Variants in GRM1 observed in about 807,000 individuals in gnomAD.
The protein encoded by GRM1 is glutamate metabotropic receptor 1.
A neutral mutation model predicts 90.9 loss-of-function variants in GRM1; 33 were observed. That is an observed-to-expected ratio of 0.36 (90% CI 0.28 to 0.49). GRM1 has a LOEUF of 0.49. Ranked by LOEUF, GRM1 falls within the 20% of genes least tolerant of loss-of-function variation. GRM1 has a pLI of 0.99. For synonymous variants in GRM1, 700 were observed against 613.2 expected (o/e 1.14, Z -2.09); for missense variants, 1,190 against 1,534.3 (o/e 0.78, Z 3.75).
At chr6:146,336,947 T>A (rs543137594) in intron 3 of GRM1, among the ~76,000 whole-genome samples, 9 of 152,226 alleles carry the variant, frequency 5.9e-5, no homozygotes, top group Non-Finnish European at 1.2e-4. Flanking sequence ...CTCAGGTGTT[T>A]GTGTCTGCAT....
intron 2 of GRM1, among the ~76,000 whole-genome samples, chr6:146,266,622 T>C (rs1781896869): frequency 6.6e-6 from 1 of 152,374 alleles, no homozygotes; most frequent in East Asian, 1.9e-4. Flanking sequence ...CCCGCTGTCC[T>C]AGTGAAGAAC....
intron 1 of GRM1, among the ~76,000 whole-genome samples, chr6:146,159,069 G>A (rs939405270): frequency 6.6e-6 from 1 of 152,168 alleles, no homozygotes; most frequent in East Asian, 1.9e-4. Flanking sequence ...ATTAATAATG[G>A]TTGTAAAATA....
At position 146,068,134 on chromosome 6, in the gene GRM1, C is replaced by T. The variant is rs539883112; in HGVS notation, c.700+37917C>T. 4.9e-5 allele frequency among the ~76,000 whole-genome samples: 7 copies of T among 141,892 alleles called. No individual in the cohort carries two copies. In the South Asian group the frequency reaches 6.8e-4, roughly 14 times the overall value. The allele number at this position is 141,892 out of a possible 152,430, so 93.1% of individuals were successfully genotyped here. ...AAATAATTTTTTTTTTTTTTTGAGACGGAGTCTTGCTCTGTCGTCCAGGCT... is the reference window on the plus strand; with the variant it reads ...AAATAATTTTTTTTTTTTTTTGAGATGGAGTCTTGCTCTGTCGTCCAGGCT... On this transcript the variant is annotated intron_variant, in intron 1 of 7. Transcript: ENST00000282753.
chr6:146,197,560 C>T (rs1001149728), intron 2 of GRM1, among the ~76,000 whole-genome samples: 2 of 152,248 alleles, frequency 1.3e-5, no homozygotes, highest in African/African-American at 4.8e-5. Context: ...CCTGTTCAAC[C>T]CAATTATGTC....
chr6:146,375,755 T>A (rs1397776489), intron 5 of GRM1, among the ~76,000 whole-genome samples: 1 of 152,102 alleles, frequency 6.6e-6, no homozygotes, highest in Non-Finnish European at 1.5e-5. Context: ...TTTGCCATCC[T>A]TTTATTTTCA....
chr6:146,146,732 G>A (rs1367400652), intron 1 of GRM1, among the ~76,000 whole-genome samples: 3 of 152,150 alleles, frequency 2.0e-5, no homozygotes, highest in African/African-American at 7.2e-5. Context: ...ACCATGTGAT[G>A]CCCTGTGCCA....
intron 2 of GRM1, among the ~76,000 whole-genome samples, chr6:146,160,053 G>A (rs923157567): frequency 2.2e-4 from 33 of 150,334 alleles, no homozygotes; most frequent in African/African-American, 7.6e-4. Flanking sequence ...AGAATTATTC[G>A]TTTCACTTGC....
rs557162560 is a variant in GRM1 at position 146,231,656 on chromosome 6, C to T, written c.950+72059C>T. The stretch of plus-strand genomic sequence containing the variant: ...CCTAGTTTCTTGAAAGTTCTTTCCA[C>T]GGAAATCATCATATCTTTGTTTGTT... On this transcript the variant is annotated intron_variant, in intron 2 of 7. Transcript: ENST00000282753. 2.6e-4 allele frequency among the ~76,000 whole-genome samples: 40 copies of T among 152,142 alleles called. 1 individual carries two copies. Among genetic ancestry groups the T allele is most frequent in the Admixed American group, 2.2e-3 (33 of 15,262 alleles).
At chr6:146,291,389 T>C (rs1380923296) in intron 2 of GRM1, among the ~76,000 whole-genome samples, 1 of 150,792 alleles carries the variant, frequency 6.6e-6, no homozygotes, top group Non-Finnish European at 1.5e-5. Context: ...ATATATTATA[T>C]ATATATTTAT....
chr6:146,109,595 T>G (rs1017542925), intron 1 of GRM1, among the ~76,000 whole-genome samples: 6 of 152,158 alleles, frequency 3.9e-5, no homozygotes, highest in African/African-American at 1.4e-4. Flanking sequence ...GGAGCCCCCA[T>G]GCAGAGTCAC....
intron 1 of GRM1, among the ~76,000 whole-genome samples, chr6:146,034,530 C>T (rs1468584146): frequency 6.6e-6 from 1 of 151,878 alleles, no homozygotes; most frequent in Non-Finnish European, 1.5e-5. Context: ...TGAATTTTTT[C>T]CCTTTAAATG....
At chr6:146,090,777 C>G (rs1776690612) in intron 1 of GRM1, among the ~76,000 whole-genome samples, 1 of 152,066 alleles carries the variant, frequency 6.6e-6, no homozygotes, top group African/African-American at 2.4e-5. Context: ...GTTACCGAGG[C>G]ATTGAGAGCT....
Position 146,288,513 on chromosome 6 carries a change from T to C in GRM1, c.951-16098T>C, listed in dbSNP as rs73577157. On this transcript the variant is annotated intron_variant, in intron 2 of 7. Coordinates refer to ENST00000282753, the MANE Select transcript of GRM1 (RefSeq NM_001278064.2). ...TTTGATTTTTGTTTTTTTGGTTTTG[T>C]TTTGGTTTTGAGATGAAGTTTTGCT... Among the ~76,000 whole-genome samples, 1,296 of 152,208 alleles carry C rather than the reference T, an allele frequency of 8.5e-3. 20 individuals carry two copies. Among genetic ancestry groups the C allele is most frequent in the African/African-American group, 0.03 (1,230 of 41,520 alleles).
intron 1 of GRM1, among the ~76,000 whole-genome samples, chr6:146,038,353 G>A (rs553682520): frequency 2.0e-5 from 3 of 152,050 alleles, no homozygotes; most frequent in Admixed American, 2.0e-4. Flanking sequence ...TGACTCAAGG[G>A]ATTAATAGAA....
At chr6:146,267,658 C>A in intron 2 of GRM1, among the ~76,000 whole-genome samples, 1 of 77,894 alleles carries the variant, frequency 1.3e-5, no homozygotes, top group Non-Finnish European at 2.2e-5. Flanking sequence ...CTGGGCTGGG[C>A]TGGGCTGGGC....
At chr6:146,337,561 C>G (rs980739716) in intron 3 of GRM1, among the ~76,000 whole-genome samples, 1 of 152,094 alleles carries the variant, frequency 6.6e-6, no homozygotes, top group Non-Finnish European at 1.5e-5. Flanking sequence ...GCTGCCTGCA[C>G]ACGACTTGGC....
Position 146,420,892 on chromosome 6 carries a change from CAT to C in GRM1, c.2661-12978_2661-12977del, listed in dbSNP as rs1777965841. 2.0e-5 allele frequency among the ~76,000 whole-genome samples: 3 copies of C among 152,054 alleles called. No homozygotes were observed. In the East Asian group the frequency reaches 5.8e-4, roughly 29 times the overall value. On this transcript the variant is annotated intron_variant, in intron 7 of 7. Transcript: ENST00000282753. ...GAATTGCATTACCACTTTGTAGTCT[CAT>C]AATAAAATAATTTATCTATACTCTG...
chr6:146,387,634 C>T lies in GRM1; in HGVS notation c.1729+618C>T, dbSNP rs362914. Among the ~76,000 whole-genome samples, 1,370 of 152,022 alleles carry T rather than the reference C, an allele frequency of 9.0e-3. 19 individuals are homozygous for T. Among genetic ancestry groups the T allele is most frequent in the African/African-American group, 0.031 (1,299 of 41,472 alleles). On this transcript the variant is annotated intron_variant, in intron 6 of 7. Transcript: ENST00000282753. ...GGAATTTCAGGCCTAAAGTAGAACA[C>T]GGGAAACATGAAAGTTTATGACACA...
rs12111493 is a variant in GRM1 at position 146,254,201 on chromosome 6, C to T, written c.951-50410C>T. On this transcript the variant is annotated intron_variant, in intron 2 of 7. Coordinates refer to ENST00000282753, the MANE Select transcript of GRM1 (RefSeq NM_001278064.2). The stretch of plus-strand genomic sequence containing the variant: ...GAAACAGTCTCATAGCTGAAACAAA[C>T]TGGTCTGGATGCCACTGCAAGAAAG... Among the ~76,000 whole-genome samples, 730 of 152,292 alleles carry T rather than the reference C, an allele frequency of 4.8e-3. 4 individuals are homozygous for T. The highest frequency in any genetic ancestry group is 0.017 in the African/African-American group (700 of 41,558).
Sources: allele counts gnomAD v4.1 joint callset (sites outside exome capture counted in the v4.1 genomes callset), GRCh38; gene constraint gnomAD v4.1.1; transcripts MANE v1.5; gene names NCBI Gene and HGNC (gene_info 2026-07-23, HGNC 2026-07-21).